The following DCAF8 variants were observed in gnomAD, a reference collection of about 807,000 sequenced individuals.
DCAF8 encodes DDB1 and CUL4 associated factor 8.
A neutral mutation model predicts 68.0 loss-of-function variants in DCAF8; 20 were observed. That is an observed-to-expected ratio of 0.29 (90% CI 0.21 to 0.43). DCAF8 has a LOEUF of 0.43. Among genes scored for constraint, DCAF8 ranks in the 20% least tolerant of loss-of-function variants. The pLI, the probability that DCAF8 is intolerant of heterozygous loss-of-function variation, is 1.00. For missense variants in DCAF8, 460 were observed against 771.0 expected (o/e 0.60, Z 4.78); for synonymous variants, 230 against 276.9 (o/e 0.83, Z 1.68).
intron 13 of DCAF8, chr1:160,218,006 G>C: frequency 2.0e-6 from 1 of 501,438 alleles, no homozygotes. Flanking sequence ...CCTGAACTAG[G>C]CCTCTTTTGG....
At chr1:160,218,648 T>C (rs1048219982) in intron 12 of DCAF8, among the ~76,000 whole-genome samples, 2 of 152,148 alleles carry the variant, frequency 1.3e-5, no homozygotes, top group African/African-American at 4.8e-5. Context: ...CTTATCCCCA[T>C]CCTATTACAA....
intron 7 of DCAF8, among the ~76,000 whole-genome samples, chr1:160,226,605 T>C (rs1231582396): frequency 2.0e-5 from 3 of 152,194 alleles, no homozygotes; most frequent in Non-Finnish European, 2.9e-5. Flanking sequence ...TGTTTGATGA[T>C]TATCTAATTT....
intron 7 of DCAF8, among the ~76,000 whole-genome samples, chr1:160,227,162 C>T (rs16831647): frequency 0.1 from 15,909 of 152,168 alleles, 932 homozygotes; most frequent in South Asian, 0.23. Flanking sequence ...GAAGACTGAG[C>T]TACTGGAGAA....
intron 4 of DCAF8, 122 bp from the exon 5 acceptor site, chr1:160,238,869 G>A: frequency 8.9e-7 from 1 of 1,122,862 alleles, no homozygotes; most frequent in Non-Finnish European, 1.2e-6. Flanking sequence ...TGGAAACTTA[G>A]CTTTCCTACT....
At chr1:160,261,991 G>A (rs1325653257) in intron 1 of DCAF8, 2 of 195,998 alleles carry the variant, frequency 1.0e-5, no homozygotes, top group African/African-American at 2.3e-5. Flanking sequence ...GTGACGGGGA[G>A]ACGCAGGGCG....
At chr1:160,252,953 C>T (rs1216380457) in intron 2 of DCAF8, among the ~76,000 whole-genome samples, 1 of 152,084 alleles carries the variant, frequency 6.6e-6, no homozygotes, top group African/African-American at 2.4e-5. Context: ...AAGTTTGGAA[C>T]TTAAATAAAG....
intron 5 of DCAF8, 30 bp from the exon 6 acceptor site, chr1:160,237,259 T>C (rs1291871852): frequency 6.8e-7 from 1 of 1,463,402 alleles, no homozygotes; most frequent in African/African-American, 1.4e-5. Context: ...AACATGAGGT[T>C]TCTAAATATT....
chr1:160,222,504 C>T, intron 11 of DCAF8, 147 bp downstream of exon 11: 2 of 1,084,764 alleles, frequency 1.8e-6, no homozygotes, highest in Admixed American at 4.6e-5. Flanking sequence ...AAACTCAGCA[C>T]CTCCAGGCTA....
chr1:160,252,672 A>C (rs1656643898), intron 2 of DCAF8, among the ~76,000 whole-genome samples: 1 of 152,220 alleles, frequency 6.6e-6, no homozygotes, highest in Non-Finnish European at 1.5e-5. Flanking sequence ...AAAAGCTATT[A>C]TAGTTGCCAA....
chr1:160,219,695 C>T (rs919682716), intron 11 of DCAF8: 4 of 152,274 alleles, frequency 2.6e-5, no homozygotes, highest in African/African-American at 9.7e-5. Flanking sequence ...CTGAACAAGG[C>T]AAAAGAAATA....
At chr1:160,219,316 G>A in intron 11 of DCAF8, 1 of 189,572 alleles carries the variant, frequency 5.3e-6, no homozygotes, top group Non-Finnish European at 1.1e-5. Flanking sequence ...AGATTCCAAA[G>A]CTCCAACTTG....
intron 2 of DCAF8, among the ~76,000 whole-genome samples, chr1:160,251,804 G>A (rs1656611307): frequency 6.6e-6 from 1 of 152,160 alleles, no homozygotes; most frequent in South Asian, 2.1e-4. Flanking sequence ...CTCAGGCACT[G>A]AAACTCAAAG....
chr1:160,245,528 A>C (rs1306786399), intron 2 of DCAF8, among the ~76,000 whole-genome samples: 1 of 152,212 alleles, frequency 6.6e-6, no homozygotes. Context: ...ACAGTAGCCC[A>C]AAGATTGTTC....
Position 160,217,406 on chromosome 1 carries a change from TCC to T in DCAF8, c.*184_*185del. The stretch of plus-strand genomic sequence containing the variant: ...ATAGAGCCCCATTCCAGGGCTCAAC[TCC>T]CATTCCTAGGTACTCTTTGTTGGTT... On this transcript the variant is annotated 3_prime_UTR_variant, in exon 14 of 14. Coordinates refer to ENST00000368074, the MANE Select transcript of DCAF8 (RefSeq NM_015726.4). The T allele has an allele frequency of 1.9e-6, 1 of 522,748 alleles. No individual in the cohort carries two copies. The highest frequency in any genetic ancestry group is 3.4e-6 in the Non-Finnish European group (1 of 296,120). The allele number at this position is 522,748 out of a possible 1,614,324, so 32.4% of individuals were successfully genotyped here.
At chr1:160,229,592 G>A (rs980691412) in intron 7 of DCAF8, among the ~76,000 whole-genome samples, 3 of 152,196 alleles carry the variant, frequency 2.0e-5, no homozygotes, top group African/African-American at 7.2e-5. Context: ...TAGAGACACA[G>A]ACTTTTCAAG....
intron 2 of DCAF8, among the ~76,000 whole-genome samples, chr1:160,252,571 TG>T (rs554405605): frequency 6.6e-6 from 1 of 152,086 alleles, no homozygotes; most frequent in Non-Finnish European, 1.5e-5. Flanking sequence ...GCTTTGTTGT[TG>T]GGGGGCAGGC....
Position 160,217,423 on chromosome 1 carries a change from CTT to C in DCAF8, c.*167_*168del, listed in dbSNP as rs1655156803. On this transcript the variant is annotated 3_prime_UTR_variant, in exon 14 of 14. Transcript: ENST00000368074. The stretch of plus-strand genomic sequence containing the variant: ...GGCTCAACTCCCATTCCTAGGTACT[CTT>C]TGTTGGTTCACTCCTCTGGTTTGTC... 5.4e-6 allele frequency: 3 copies of C among 551,106 alleles called. No individual in the cohort carries two copies. The highest frequency in any genetic ancestry group is 6.4e-6 in the Non-Finnish European group (2 of 312,266). The allele number at this position is 551,106 out of a possible 1,614,324, so 34.1% of individuals were successfully genotyped here. A position where few individuals can be genotyped will look rare whatever the true frequency, so the allele number is the denominator to read the frequency against.
rs796728326 is a variant in DCAF8 at position 160,236,273 on chromosome 1, CACAT to C, written c.959+858_959+861del. On this transcript the variant is annotated intron_variant, in intron 6 of 13. Transcript: ENST00000368074. Reference sequence around the variant, plus strand: ...GAGGCATCACACACAAACACACACACACATACATACACGTACGTATATATATACA... The same window carrying C: ...GAGGCATCACACACAAACACACACACACATACACGTACGTATATATATACA... 7.9e-3 allele frequency among the ~76,000 whole-genome samples: 1,142 copies of C among 144,402 alleles called. 16 individuals carry two copies. Among genetic ancestry groups the C allele is most frequent in the African/African-American group, 0.026 (1,065 of 40,204 alleles). 94.7% of individuals were successfully genotyped at this position (144,402 alleles called of 152,430 possible).
intron 7 of DCAF8, among the ~76,000 whole-genome samples, chr1:160,226,751 A>C (rs1327754147): frequency 6.6e-6 from 1 of 151,974 alleles, no homozygotes; most frequent in East Asian, 1.9e-4. Flanking sequence ...CAATATTTCC[A>C]CTTTCTTACT....
Sources: allele counts gnomAD v4.1 joint callset (sites outside exome capture counted in the v4.1 genomes callset), GRCh38; gene constraint gnomAD v4.1.1; transcripts MANE v1.5; gene names NCBI Gene and HGNC (gene_info 2026-07-23, HGNC 2026-07-21).